Variants in AFF2 observed in about 807,000 individuals in gnomAD.
The protein encoded by AFF2 is AF4/FMR2 family member 2.
AFF2 carries 14 observed loss-of-function variants against 76.9 expected under a neutral mutation model. The observed-to-expected ratio is 0.18, with a 90% CI of 0.12 to 0.28. AFF2 has a LOEUF of 0.28. Ranked by LOEUF, AFF2 falls within the 10% of genes least tolerant of loss-of-function variation. The pLI, the probability that AFF2 is intolerant of heterozygous loss-of-function variation, is 1.00. For missense variants in AFF2, 868 were observed against 1,001.1 expected (o/e 0.87, Z 1.79); for synonymous variants, 398 against 366.7 (o/e 1.09, Z -0.98).
At chrX:148,871,183 G>T (rs1278621947) in intron 7 of AFF2, among the ~76,000 whole-genome samples, 1 of 111,236 alleles carries the variant, frequency 9.0e-6, no homozygotes, top group Admixed American at 9.6e-5. Flanking sequence ...AACCGGAAGA[G>T]AATTAAAGGG....
chrX:148,636,141 T>C (rs1393327185), intron 1 of AFF2, among the ~76,000 whole-genome samples: 3 of 111,330 alleles, frequency 2.7e-5, no homozygotes, highest in African/African-American at 9.8e-5. Context: ...GTAGATCATA[T>C]CCTTTCTTTC....
At chrX:148,533,372 A>T (rs1557236135) in intron 1 of AFF2, among the ~76,000 whole-genome samples, 1 of 109,675 alleles carries the variant, frequency 9.1e-6, no homozygotes, top group African/African-American at 3.3e-5. Flanking sequence ...GGCTTAATGC[A>T]AGCTGTGACT....
chrX:148,594,664 A>G (rs1192163158), intron 1 of AFF2, among the ~76,000 whole-genome samples: 3 of 112,163 alleles, frequency 2.7e-5, no homozygotes, highest in Non-Finnish European at 3.8e-5. Context: ...TAGAATCAAT[A>G]CAGTTCACAC....
intron 1 of AFF2, among the ~76,000 whole-genome samples, chrX:148,614,796 TTCTC>T (rs782345022): frequency 2.6e-5 from 2 of 76,257 alleles, no homozygotes; most frequent in Non-Finnish European, 4.9e-5. Flanking sequence ...CTTTCTTCCT[TTCTC>T]TCTCTCTCTC....
Position 148,987,426 on chromosome X carries a change from G to A in AFF2, c.3683G>A (p.Cys1228Tyr). Reference protein sequence around the residue: ...NVSPINAMGNCNNGPVTIPQR... With the variant: ...NVSPINAMGNYNNGPVTIPQR... ...TCCCCCATCAACGCAATGGGGAACT[G>A]TAACAATGGCCCAGTCACCATTCCC... The change falls in exon 20 of 21, where the codon TGT (cysteine) becomes TAT (tyrosine). Residue 1228 changes from cysteine to tyrosine, a missense_variant. Coordinates refer to ENST00000370460, the MANE Select transcript of AFF2 (RefSeq NM_002025.4). 2.5e-6 allele frequency: 3 copies of A among 1,211,367 alleles called. No individual in the cohort carries two copies. Among genetic ancestry groups the A allele is most frequent in the Non-Finnish European group, 3.4e-6 (3 of 895,180 alleles).
chrX:148,903,078 A>G (rs958666658), intron 8 of AFF2, among the ~76,000 whole-genome samples: 6 of 110,720 alleles, frequency 5.4e-5, no homozygotes, highest in African/African-American at 1.6e-4. Flanking sequence ...TTACAGCAGT[A>G]TTCTCTTCTC....
At chrX:148,799,147 T>C (rs782804153) in intron 3 of AFF2, among the ~76,000 whole-genome samples, 1 of 111,993 alleles carries the variant, frequency 8.9e-6, no homozygotes, top group East Asian at 2.8e-4. Flanking sequence ...ATAAAAAGCA[T>C]CAGGAATAAG....
At chrX:148,707,469 A>G (rs1397123539) in intron 3 of AFF2, among the ~76,000 whole-genome samples, 1 of 110,815 alleles carries the variant, frequency 9.0e-6, no homozygotes, top group Non-Finnish European at 1.9e-5. Flanking sequence ...ATAATATATC[A>G]CTATAGAACT....
At chrX:148,699,398 G>A (rs1223546460) in intron 3 of AFF2, among the ~76,000 whole-genome samples, 1 of 112,020 alleles carries the variant, frequency 8.9e-6, no homozygotes, top group Non-Finnish European at 1.9e-5. Context: ...CTGGTTTAGA[G>A]TAAGCTGCTA....
intron 2 of AFF2, among the ~76,000 whole-genome samples, chrX:148,652,765 T>C (rs2054214921): frequency 8.9e-6 from 1 of 111,776 alleles, no homozygotes; most frequent in Non-Finnish European, 1.9e-5. Flanking sequence ...TGTCTACAAG[T>C]ATTGATTTTA....
At chrX:148,517,822 C>A (rs2052553150) in intron 1 of AFF2, among the ~76,000 whole-genome samples, 1 of 107,120 alleles carries the variant, frequency 9.3e-6, no homozygotes, top group African/African-American at 3.4e-5. Context: ...TCGAGACCAT[C>A]CTGGCTAACA....
intron 1 of AFF2, among the ~76,000 whole-genome samples, chrX:148,613,508 A>C (rs1417402482): frequency 1.8e-5 from 2 of 111,786 alleles, no homozygotes; most frequent in African/African-American, 6.5e-5. Context: ...GTGGGAATGG[A>C]GACATTTAGA....
chrX:148,784,811 C>T (rs1348137144), intron 3 of AFF2, among the ~76,000 whole-genome samples: 4 of 111,241 alleles, frequency 3.6e-5, no homozygotes, highest in African/African-American at 1.3e-4. Flanking sequence ...ATTGTTAATG[C>T]AGTTAGGTAC....
At chrX:148,580,764 T>A (rs2053346845) in intron 1 of AFF2, among the ~76,000 whole-genome samples, 1 of 109,866 alleles carries the variant, frequency 9.1e-6, no homozygotes, top group African/African-American at 3.3e-5. Context: ...TATGTGTGTG[T>A]ATTTTTAAAA....
At chrX:148,844,880 C>G (rs1212261264) in intron 7 of AFF2, among the ~76,000 whole-genome samples, 1 of 111,041 alleles carries the variant, frequency 9.0e-6, no homozygotes, top group Non-Finnish European at 1.9e-5. Flanking sequence ...TTTTAAGAAG[C>G]AAGAAAAAAC....
intron 3 of AFF2, among the ~76,000 whole-genome samples, chrX:148,665,875 G>A (rs782379165): frequency 1.8e-5 from 2 of 111,918 alleles, no homozygotes; most frequent in South Asian, 3.8e-4. Context: ...AGGCTTATCC[G>A]TGGAGCAATC....
intron 3 of AFF2, among the ~76,000 whole-genome samples, chrX:148,753,515 T>G (rs1298734132): frequency 2.7e-5 from 3 of 112,024 alleles, no homozygotes; most frequent in Non-Finnish European, 5.6e-5. Flanking sequence ...CTTACATGCT[T>G]TGGCACATTT....
chrX:148,884,467 T>TAGATAAATAGGGGGAAAAGGA (rs1316438653), intron 7 of AFF2, among the ~76,000 whole-genome samples: 1 of 112,725 alleles, frequency 8.9e-6, no homozygotes, highest in East Asian at 2.8e-4. Context: ...TTTATCAAAT[T>TAGATAAATAGGGGGAAAAGGA]AGAAGCTTCC....
chrX:148,652,409 A>G (rs782243083), intron 2 of AFF2, among the ~76,000 whole-genome samples: 71 of 111,497 alleles, frequency 6.4e-4, no homozygotes, highest in Non-Finnish European at 1.1e-3. Context: ...TCCTACAGCA[A>G]GGAATGCCCC....
Sources: gnomAD v4.1 joint callset for allele counts (sites outside exome capture counted in the v4.1 genomes callset) on GRCh38, gnomAD v4.1.1 for gene constraint, MANE v1.5 for transcripts, NCBI Gene and HGNC (gene_info 2026-07-23, HGNC 2026-07-21) for gene names.